Variants in RCAN2 observed in about 807,000 individuals in gnomAD.
RCAN2 encodes the protein regulator of calcineurin 2, also known as calcipressin-2.
A neutral mutation model predicts 23.6 loss-of-function variants in RCAN2; 9 were observed. The observed-to-expected ratio is 0.38, with a 90% CI of 0.23 to 0.67. The LOEUF (loss-of-function observed/expected upper bound fraction) is 0.67, where lower values mean the gene tolerates loss of function less well. RCAN2 is among the 30% of genes least tolerant of loss of function. RCAN2 has a pLI of 0.51. For synonymous variants in RCAN2, 109 were observed against 115.7 expected (o/e 0.94, Z 0.37); for missense variants, 273 against 302.3 (o/e 0.90, Z 0.72).
intron 2 of RCAN2, among the ~76,000 whole-genome samples, chr6:46,443,199 T>C (rs1237177108): frequency 5.3e-5 from 8 of 152,368 alleles, no homozygotes; most frequent in African/African-American, 1.9e-4. Flanking sequence ...ATTTTATGTC[T>C]AATTTAACTG....
At chr6:46,416,125 A>T (rs1249154928) in intron 2 of RCAN2, among the ~76,000 whole-genome samples, 1 of 152,106 alleles carries the variant, frequency 6.6e-6, no homozygotes, top group African/African-American at 2.4e-5. Context: ...TTCAGAACCC[A>T]TGGATACTGA....
chr6:46,322,166 T>A (rs192590871), intron 2 of RCAN2, among the ~76,000 whole-genome samples: 1 of 152,350 alleles, frequency 6.6e-6, no homozygotes, highest in East Asian at 1.9e-4. Context: ...TCCCAAGGGT[T>A]TGGCTCTTTG....
intron 2 of RCAN2, among the ~76,000 whole-genome samples, chr6:46,390,672 G>A (rs78707941): frequency 6.6e-6 from 1 of 152,102 alleles, no homozygotes. Context: ...CATTCTGTAG[G>A]ATTACTAGAC....
chr6:46,432,101 A>G (rs566348809), intron 2 of RCAN2, among the ~76,000 whole-genome samples: 19 of 152,336 alleles, frequency 1.2e-4, no homozygotes, highest in African/African-American at 4.6e-4. Context: ...ATGATTTATA[A>G]GTTGTAGTTA....
intron 2 of RCAN2, among the ~76,000 whole-genome samples, chr6:46,278,320 A>C (rs1767781551): frequency 6.6e-6 from 1 of 152,092 alleles, no homozygotes; most frequent in Non-Finnish European, 1.5e-5. Context: ...CTTCATCCAG[A>C]TTCCCCAATA....
intron 2 of RCAN2, among the ~76,000 whole-genome samples, chr6:46,309,323 T>C (rs1295787533): frequency 6.6e-6 from 1 of 152,240 alleles, no homozygotes; most frequent in African/African-American, 2.4e-5. Context: ...AGTTGTCTAA[T>C]TTTTAGTCCA....
intron 2 of RCAN2, among the ~76,000 whole-genome samples, chr6:46,250,840 G>A (rs186957069): frequency 6.6e-6 from 1 of 152,254 alleles, no homozygotes; most frequent in Admixed American, 6.5e-5. Flanking sequence ...TAACTCGAAT[G>A]TCAGGGAAGG....
chr6:46,344,998 A>G (rs1216694113), intron 2 of RCAN2, among the ~76,000 whole-genome samples: 1 of 149,376 alleles, frequency 6.7e-6, no homozygotes, highest in Non-Finnish European at 1.5e-5. Flanking sequence ...TTATAAATAC[A>G]TGTGATATCT....
intron 2 of RCAN2, among the ~76,000 whole-genome samples, chr6:46,303,686 G>T (rs1426391115): frequency 6.6e-6 from 1 of 152,032 alleles, no homozygotes; most frequent in African/African-American, 2.4e-5. Flanking sequence ...CCATTATTCT[G>T]ACTTCTGTCA....
At chr6:46,369,405 T>A (rs578008626) in intron 2 of RCAN2, among the ~76,000 whole-genome samples, 1 of 152,358 alleles carries the variant, frequency 6.6e-6, no homozygotes, top group African/African-American at 2.4e-5. Context: ...TATTATGTAC[T>A]GTACATAATT....
intron 2 of RCAN2, among the ~76,000 whole-genome samples, chr6:46,302,909 CAT>C (rs896506357): frequency 5.3e-5 from 8 of 151,992 alleles, no homozygotes; most frequent in Admixed American, 5.2e-4. Context: ...TCTAAGGTCA[CAT>C]AGACAGTAAG....
At chr6:46,426,196 G>C (rs1767027369) in intron 2 of RCAN2, among the ~76,000 whole-genome samples, 1 of 152,086 alleles carries the variant, frequency 6.6e-6, no homozygotes, top group Admixed American at 6.5e-5. Context: ...ACCATGCCCA[G>C]CTGACTGATT....
chr6:46,409,870 T>C (rs1766499622), intron 2 of RCAN2, among the ~76,000 whole-genome samples: 1 of 152,224 alleles, frequency 6.6e-6, no homozygotes, highest in Non-Finnish European at 1.5e-5. Flanking sequence ...TTTCTTATTA[T>C]GCCTGTGAGG....
intron 2 of RCAN2, among the ~76,000 whole-genome samples, chr6:46,333,401 T>C (rs1348599721): frequency 6.6e-6 from 1 of 152,242 alleles, no homozygotes; most frequent in Non-Finnish European, 1.5e-5. Context: ...TTCAACTATT[T>C]GGATTTACCA....
chr6:46,464,504 G>A (rs1768317097), intron 1 of RCAN2, among the ~76,000 whole-genome samples: 1 of 151,968 alleles, frequency 6.6e-6, no homozygotes, highest in Admixed American at 6.6e-5. Flanking sequence ...GCTCATTTTT[G>A]TCCATCTTAC....
rs1451293291 is a variant in RCAN2, at chr6:46,281,762, G to A, written c.226-32866C>T. On this transcript the variant is annotated intron_variant, in intron 2 of 4. Transcript: ENST00000371374. ...GAACAGTTACTATATGTTGGGCATT[G>A]TTCCAAAGATATTATAAGGCCTGAT... Among the ~76,000 whole-genome samples the A allele has an allele frequency of 3.3e-5, 5 of 152,246 alleles. No homozygotes were observed. In the South Asian group the frequency reaches 8.3e-4, roughly 25 times the overall value.
intron 2 of RCAN2, among the ~76,000 whole-genome samples, chr6:46,417,341 T>A (rs1045413872): frequency 9.8e-5 from 15 of 152,354 alleles, no homozygotes; most frequent in Admixed American, 9.1e-4. Flanking sequence ...GTGCATATCT[T>A]ACCTCAAAGA....
intron 2 of RCAN2, among the ~76,000 whole-genome samples, chr6:46,320,475 C>T (rs1439126319): frequency 6.6e-6 from 1 of 152,200 alleles, no homozygotes; most frequent in East Asian, 1.9e-4. Flanking sequence ...CCATGATGTG[C>T]TGGTCTTTTT....
chr6:46,446,390 CCAGA>C (rs1238904950), intron 2 of RCAN2, among the ~76,000 whole-genome samples: 3 of 152,032 alleles, frequency 2.0e-5, no homozygotes, highest in Admixed American at 6.6e-5. Flanking sequence ...AAATACTTCC[CCAGA>C]CAAACAAAGC....
Sources: allele counts gnomAD v4.1 joint callset (sites outside exome capture counted in the v4.1 genomes callset), GRCh38; gene constraint gnomAD v4.1.1; transcripts MANE v1.5; gene names NCBI Gene and HGNC (gene_info 2026-07-23, HGNC 2026-07-21).